CEP170: variants seen among roughly 807,000 people sequenced by gnomAD.
CEP170 encodes centrosomal protein of 170 kDa.
CEP170 carries 21 observed loss-of-function variants against 151.9 expected under a neutral mutation model. That is an observed-to-expected ratio of 0.14 (90% CI 0.10 to 0.20). The LOEUF is 0.20. Among genes scored for constraint, CEP170 ranks in the 10% least tolerant of loss-of-function variants. The pLI is 1.00. For synonymous variants in CEP170, 356 were observed against 648.8 expected, an observed-to-expected ratio of 0.55 and a Z score of 6.86; for missense variants, 964 against 1,892.9, an observed-to-expected ratio of 0.51 and a Z score of 9.11.
intron 11 of CEP170, among the ~76,000 whole-genome samples, 192 bp downstream of exon 11, chr1:243,172,505 G>A (rs913755685): frequency 4.6e-5 from 7 of 152,106 alleles, no homozygotes; most frequent in Non-Finnish European, 1.0e-4. Context: ...GGCGGTGCAC[G>A]CCTGTAATCA....
chr1:243,226,212 TATAG>T (rs2063289291), intron 1 of CEP170, among the ~76,000 whole-genome samples: 1 of 144,142 alleles, frequency 6.9e-6, no homozygotes, highest in African/African-American at 2.5e-5. Context: ...TATATATATC[TATAG>T]AGAGATAGAC....
intron 2 of CEP170, among the ~76,000 whole-genome samples, chr1:243,222,344 G>C (rs1351664368): frequency 6.6e-6 from 1 of 152,178 alleles, no homozygotes; most frequent in East Asian, 1.9e-4. Context: ...AGCTCTAAGA[G>C]GGAAAGGGAC....
chr1:243,221,149 C>T (rs1474721413), intron 3 of CEP170, among the ~76,000 whole-genome samples: 2 of 152,082 alleles, frequency 1.3e-5, no homozygotes, highest in Non-Finnish European at 2.9e-5. Context: ...CTCAGACTAC[C>T]GAGTAGCTGG....
At chr1:243,250,747 A>G (rs1187474968) in intron 1 of CEP170, among the ~76,000 whole-genome samples, 1 of 152,252 alleles carries the variant, frequency 6.6e-6, no homozygotes, top group African/African-American at 2.4e-5. Context: ...TATAACTTGA[A>G]AAGCCATGTA....
intron 14 of CEP170, among the ~76,000 whole-genome samples, chr1:243,143,933 T>A (rs930453314): frequency 1.3e-4 from 20 of 152,184 alleles, no homozygotes; most frequent in Admixed American, 1.3e-3. Flanking sequence ...TACATAAAAA[T>A]TTAGATTTAA....
chr1:243,237,540 G>A (rs888659599), intron 1 of CEP170, among the ~76,000 whole-genome samples: 1 of 152,114 alleles, frequency 6.6e-6, no homozygotes, highest in African/African-American at 2.4e-5. Flanking sequence ...AATAATGCAT[G>A]CTGGAAAAGA....
intron 1 of CEP170, among the ~76,000 whole-genome samples, chr1:243,230,108 T>C (rs1213176626): frequency 6.6e-6 from 1 of 152,010 alleles, no homozygotes; most frequent in East Asian, 1.9e-4. Context: ...CTCTCCACTT[T>C]GGGAGGTGGA....
At chr1:243,209,929 A>G (rs555816719) in intron 4 of CEP170, among the ~76,000 whole-genome samples, 277 of 152,036 alleles carry the variant, frequency 1.8e-3, no homozygotes, top group African/African-American at 6.7e-3. Flanking sequence ...TCCTGACCTC[A>G]TGATCCGCCT....
In CEP170 at chr1:243,126,001, T is replaced by A; in HGVS notation, c.*448A>T. The A allele has an allele frequency of 2.6e-6, 1 of 386,434 alleles. No individual in the cohort carries two copies. The highest frequency in any genetic ancestry group is 2.0e-5 in the South Asian group (1 of 50,258). 23.9% of individuals were successfully genotyped at this position (386,434 alleles called of 1,614,324 possible). The stretch of plus-strand genomic sequence containing the variant: ...GTAATGAGTACTAATATAAATCCTA[T>A]TATTAAGAAGCAAATAGAATGGTTT... On this transcript the variant is annotated 3_prime_UTR_variant, in exon 20 of 20. Transcript: ENST00000366542.
At chr1:243,187,798 G>A (rs1162363185) in intron 8 of CEP170, among the ~76,000 whole-genome samples, 5 of 152,142 alleles carry the variant, frequency 3.3e-5, no homozygotes, top group African/African-American at 1.2e-4. Flanking sequence ...AAAGGAATGA[G>A]AAGACACAGA....
At chr1:243,178,308 CAAAAAAAAAA>C (rs869094317) in intron 10 of CEP170, among the ~76,000 whole-genome samples, 4 of 30,422 alleles carry the variant, frequency 1.3e-4, no homozygotes, top group African/African-American at 3.3e-4. Flanking sequence ...GACTCTGCCT[CAAAAAAAAAA>C]AAAAAAAAAA....
chr1:243,188,614 A>T (rs138563657), intron 8 of CEP170, among the ~76,000 whole-genome samples: 9,782 of 152,180 alleles, frequency 0.064, 714 homozygotes, highest in East Asian at 0.19. Context: ...AGCTGTAACA[A>T]GTCAGTGGTG....
rs2058352165 is a variant in CEP170 at position 243,165,108 on chromosome 1, T to C, written c.2852A>G (p.Lys951Arg). 6.2e-7 allele frequency: 1 copy of C among 1,612,610 alleles called. No homozygotes were observed. The highest frequency in any genetic ancestry group is 1.3e-5 in the African/African-American group (1 of 74,904). ...GAAACTCTTTCGCTTTTGGGTTGAC[T>C]TTCTTTCAGTTTCTCCAGTAACCAG... ...ISLVTGETER[K>R]STQKRKSFTS... The change falls in exon 13 of 20, where the codon AAG becomes AGG. Residue 951 changes from lysine to arginine, a missense_variant. Lys to Arg is a conservative substitution (Grantham distance 26, BLOSUM62 2). Coordinates refer to ENST00000366542, the MANE Select transcript of CEP170 (RefSeq NM_014812.3).
intron 2 of CEP170, among the ~76,000 whole-genome samples, chr1:243,222,507 T>A (rs2062906337): frequency 6.6e-6 from 1 of 152,158 alleles, no homozygotes; most frequent in Admixed American, 6.5e-5. Flanking sequence ...GATAAGCCTG[T>A]GGAAATTGGT....
At chr1:243,178,759 C>T (rs938960006) in intron 10 of CEP170, among the ~76,000 whole-genome samples, 4 of 151,626 alleles carry the variant, frequency 2.6e-5, no homozygotes, top group African/African-American at 9.7e-5. Context: ...TGCTCTGTCA[C>T]CCAGGCTGGA....
intron 13 of CEP170, among the ~76,000 whole-genome samples, chr1:243,157,308 G>C (rs1406441714): frequency 1.3e-5 from 2 of 152,120 alleles, no homozygotes; most frequent in East Asian, 3.9e-4. Flanking sequence ...TAAAAAATCA[G>C]AAGACAAGGC....
chr1:243,166,143 A>G (rs1558480289), intron 12 of CEP170, 27 bp from the exon 13 acceptor site: 4 of 1,609,302 alleles, frequency 2.5e-6, no homozygotes, highest in Admixed American at 3.4e-5. Flanking sequence ...ACAAAGAAGG[A>G]ATTGATTAAG....
chr1:243,171,569 C>A (rs185614491), intron 11 of CEP170, among the ~76,000 whole-genome samples: 1 of 151,990 alleles, frequency 6.6e-6, no homozygotes, highest in African/African-American at 2.4e-5. Context: ...AGTCAGAGAA[C>A]GAAAGCTTCC....
intron 10 of CEP170, chr1:243,176,870 C>T (rs1168956222): frequency 5.0e-6 from 2 of 398,366 alleles, no homozygotes; most frequent in Non-Finnish European, 9.8e-6. Context: ...TCCATAAGAA[C>T]CAAACGATAT....
Sources: allele counts gnomAD v4.1 joint callset (sites outside exome capture counted in the v4.1 genomes callset), GRCh38; gene constraint gnomAD v4.1.1; transcripts MANE v1.5; gene names NCBI Gene and HGNC (gene_info 2026-07-23, HGNC 2026-07-21).